Variants in ARFIP1 observed in about 807,000 individuals in gnomAD.
ARFIP1 encodes the protein ARF interacting protein 1.
ARFIP1 carries 24 observed loss-of-function variants against 42.5 expected under a neutral mutation model. The ratio of observed to expected loss-of-function variants is 0.57; its 90% confidence interval spans 0.41 to 0.80. The LOEUF is 0.80. Among genes scored for constraint, ARFIP1 ranks in the 30% least tolerant of loss-of-function variants. The pLI is 0.00. For synonymous variants in ARFIP1, 141 were observed against 153.7 expected (o/e 0.92, Z 0.61); for missense variants, 354 against 434.0 (o/e 0.82, Z 1.64).
At chr4:152,844,098 G>A (rs561993825) in intron 2 of ARFIP1, among the ~76,000 whole-genome samples, 2 of 152,338 alleles carry the variant, frequency 1.3e-5, no homozygotes, top group African/African-American at 4.8e-5. Flanking sequence ...CCTTTCTGCT[G>A]CTTCGTGTAC....
intron 1 of ARFIP1, among the ~76,000 whole-genome samples, chr4:152,788,105 C>T (rs562115063): frequency 2.9e-4 from 44 of 152,108 alleles, no homozygotes; most frequent in African/African-American, 9.2e-4. Context: ...TGGTGACCTG[C>T]ACCTGTAATT....
intron 4 of ARFIP1, among the ~76,000 whole-genome samples, chr4:152,871,674 T>G (rs564356783): frequency 6.6e-6 from 1 of 152,118 alleles, no homozygotes; most frequent in African/African-American, 2.4e-5. Context: ...ATTAGAAAGT[T>G]TCCATCCAAA....
intron 2 of ARFIP1, among the ~76,000 whole-genome samples, chr4:152,847,219 G>A (rs1369985010): frequency 1.5e-5 from 2 of 131,322 alleles, no homozygotes; most frequent in South Asian, 2.5e-4. Flanking sequence ...TGCAACCTCC[G>A]CCTCCCAGGT....
intron 8 of ARFIP1, among the ~76,000 whole-genome samples, chr4:152,890,606 G>A (rs576427636): frequency 6.6e-6 from 1 of 152,182 alleles, no homozygotes; most frequent in Non-Finnish European, 1.5e-5. Context: ...AAGGCTGCAC[G>A]ACAGGGGTCG....
intron 8 of ARFIP1, 117 bp downstream of exon 8, chr4:152,888,424 A>G: frequency 1.4e-6 from 1 of 707,096 alleles, no homozygotes; most frequent in Non-Finnish European, 2.2e-6. Context: ...AAGGAATTCC[A>G]TTTGTAATCA....
chr4:152,850,340 A>T, intron 2 of ARFIP1, among the ~76,000 whole-genome samples: 1 of 152,204 alleles, frequency 6.6e-6, no homozygotes, highest in East Asian at 1.9e-4. Context: ...GCCCACCAAC[A>T]TGCAAAAGGT....
At chr4:152,856,462 A>G (rs1373874375) in intron 2 of ARFIP1, among the ~76,000 whole-genome samples, 1 of 152,244 alleles carries the variant, frequency 6.6e-6, no homozygotes, top group Non-Finnish European at 1.5e-5. Context: ...AAAATAATAC[A>G]GATTTAAAAA....
intron 1 of ARFIP1, among the ~76,000 whole-genome samples, chr4:152,789,160 G>A (rs1288864199): frequency 1.4e-5 from 2 of 139,742 alleles, no homozygotes; most frequent in African/African-American, 5.4e-5. Context: ...ACGCAATCTC[G>A]GCTCACTGCA....
chr4:152,788,801 C>CTTTTTTTTTTTTTTTT (rs138189664), intron 1 of ARFIP1, among the ~76,000 whole-genome samples: 3 of 113,414 alleles, frequency 2.6e-5, no homozygotes, highest in African/African-American at 6.8e-5. Context: ...TCCCCAATGT[C>CTTTTTTTTTTTTTTTT]TTTTTTTTTT....
chr4:152,816,096 A>G (rs1729867630), intron 1 of ARFIP1, among the ~76,000 whole-genome samples: 1 of 152,098 alleles, frequency 6.6e-6, no homozygotes, highest in African/African-American at 2.4e-5. Context: ...CCAAGCTACT[A>G]TCATCTCTTG....
At chr4:152,789,132 C>T (rs1350274066) in intron 1 of ARFIP1, among the ~76,000 whole-genome samples, 1 of 143,528 alleles carries the variant, frequency 7.0e-6, no homozygotes, top group African/African-American at 2.6e-5. Flanking sequence ...ACTCTGTTGC[C>T]CAGGCTGGAG....
rs932437567 is a variant in ARFIP1 at position 152,879,435 on chromosome 4, T to C, written c.412-1528T>C. ...GACTGTTAATAGTAGTTTTCTACTA[T>C]TCAGTGTGATTAAAGGAAGAGGAAA... On this transcript the variant is annotated intron_variant, in intron 5 of 8. Coordinates refer to ENST00000353617, the MANE Select transcript of ARFIP1 (RefSeq NM_001025595.3). Among the ~76,000 whole-genome samples the C allele has an allele frequency of 3.9e-5, 6 of 152,218 alleles. No homozygotes were observed. In the South Asian group the frequency reaches 1.0e-3, roughly 26 times the overall value.
chr4:152,833,102 G>A lies in ARFIP1; in HGVS notation c.93+3376G>A, dbSNP rs77689561. On this transcript the variant is annotated intron_variant, in intron 2 of 8. Coordinates refer to ENST00000353617, the MANE Select transcript of ARFIP1 (RefSeq NM_001025595.3). ...AGGAAACAATCAACAAAATGAAAAG[G>A]CATCCTATGGAATGGGAGAAAATAT... 4.3e-3 allele frequency among the ~76,000 whole-genome samples: 653 copies of A among 152,174 alleles called. 4 individuals are homozygous for A. The highest frequency in any genetic ancestry group is 0.015 in the African/African-American group (611 of 41,544).
At chr4:152,797,995 T>C (rs370436243) in intron 1 of ARFIP1, among the ~76,000 whole-genome samples, 1 of 152,168 alleles carries the variant, frequency 6.6e-6, no homozygotes, top group Non-Finnish European at 1.5e-5. Flanking sequence ...CGGTGGCTCA[T>C]GCCTGTAATC....
chr4:152,865,896 A>G (rs1036098800), intron 3 of ARFIP1, among the ~76,000 whole-genome samples: 2 of 152,150 alleles, frequency 1.3e-5, no homozygotes, highest in Non-Finnish European at 2.9e-5. Context: ...TTAATTGATC[A>G]TTCTTGGGTG....
chr4:152,817,750 C>A (rs1730019084), intron 1 of ARFIP1, among the ~76,000 whole-genome samples: 1 of 152,112 alleles, frequency 6.6e-6, no homozygotes, highest in Non-Finnish European at 1.5e-5. Context: ...TATAACTCAA[C>A]AACAACAAAA....
chr4:152,879,929 A>T, intron 5 of ARFIP1, among the ~76,000 whole-genome samples: 1 of 152,358 alleles, frequency 6.6e-6, no homozygotes, highest in Admixed American at 6.5e-5. Context: ...TTTAATGATG[A>T]GGTATATATT....
At chr4:152,847,153 C>CA (rs1177362112) in intron 2 of ARFIP1, among the ~76,000 whole-genome samples, 1 of 20,566 alleles carries the variant, frequency 4.9e-5, no homozygotes, top group African/African-American at 1.9e-4. Context: ...TTTTTTGAGA[C>CA]AGAGTCTCAC....
At chr4:152,867,256 G>A (rs1341648464) in intron 3 of ARFIP1, among the ~76,000 whole-genome samples, 1 of 152,216 alleles carries the variant, frequency 6.6e-6, no homozygotes, top group African/African-American at 2.4e-5. Flanking sequence ...CACCTCGGGA[G>A]GCTGAGGCTG....
Sources: allele counts gnomAD v4.1 joint callset (sites outside exome capture counted in the v4.1 genomes callset), GRCh38; gene constraint gnomAD v4.1.1; transcripts MANE v1.5; gene names NCBI Gene and HGNC (gene_info 2026-07-23, HGNC 2026-07-21).